Variants in COL9A1 observed in about 807,000 individuals in gnomAD.
COL9A1 encodes the protein collagen alpha-1(IX) chain.
COL9A1 carries 104 observed loss-of-function variants against 142.6 expected under a neutral mutation model. The ratio of observed to expected loss-of-function variants is 0.73; its 90% CI spans 0.62 to 0.86. COL9A1 has a LOEUF of 0.86. COL9A1 is among the 40% of genes least tolerant of loss of function. The pLI is 0.00. For missense variants in COL9A1, 1,210 were observed against 1,176.6 expected, an observed-to-expected ratio of 1.03 and a Z score of -0.42; for synonymous variants, 466 against 396.0, an observed-to-expected ratio of 1.18 and a Z score of -2.10.
chr6:70,219,163 G>A lies in COL9A1; in HGVS notation c.2582-2082C>T, dbSNP rs895741846. Among the ~76,000 whole-genome samples, 3 of 152,118 alleles carry A rather than the reference G, an allele frequency of 2.0e-5. 1 individual carries two copies. The highest frequency in any genetic ancestry group is 2.0e-4 in the Admixed American group (3 of 15,276). Reference sequence around the variant, plus strand: ...TTGATTTTTTTAAGGTTTAAAAGATGAGCCAGATCTAAATCCGATTTTCAT... The same window carrying A: ...TTGATTTTTTTAAGGTTTAAAAGATAAGCCAGATCTAAATCCGATTTTCAT... On this transcript the variant is annotated intron_variant, in intron 37 of 37. Coordinates refer to ENST00000357250, the MANE Select transcript of COL9A1 (RefSeq NM_001851.6).
At chr6:70,295,281 C>CTTTTTTTTTTTTTTTTTTTTTTTT (rs1171549562) in intron 4 of COL9A1, among the ~76,000 whole-genome samples, 1 of 63,166 alleles carries the variant, frequency 1.6e-5, no homozygotes, top group African/African-American at 6.4e-5. Flanking sequence ...GTTGTTGCTT[C>CTTTTTTTTTTTTTTTTTTTTTTTT]TTTTTTTTTT....
chr6:70,222,585 GAACA>G (rs1372224778), intron 37 of COL9A1, among the ~76,000 whole-genome samples: 10 of 152,256 alleles, frequency 6.6e-5, no homozygotes, highest in African/African-American at 2.2e-4. Context: ...ACTTAACACT[GAACA>G]AACAGAGATA....
Position 70,240,578 on chromosome 6 carries a change from A to AATAT in COL9A1, c.2079+107_2079+110dup, listed in dbSNP as rs57686729. 7.6e-3 allele frequency: 3,645 copies of AATAT among 476,566 alleles called. 141 individuals carry two copies. The highest frequency in any genetic ancestry group is 0.072 in the African/African-American group (3,375 of 47,092). The allele number at this position is 476,566 out of a possible 1,614,324, so 29.5% of individuals were successfully genotyped here. ...AGGATAACAGTGTCCAGAAAATAAG[A>AATAT]ATATATATATATATATACCAATTTT... is the stretch of plus-strand genomic sequence containing the variant. On this transcript the variant is annotated intron_variant, in intron 32 of 37. Transcript: ENST00000357250.
intron 10 of COL9A1, among the ~76,000 whole-genome samples, chr6:70,280,187 A>G (rs1328192879): frequency 6.6e-6 from 1 of 152,232 alleles, no homozygotes; most frequent in Non-Finnish European, 1.5e-5. Flanking sequence ...CAATCTTCAT[A>G]CAGTCCTAGC....
At chr6:70,297,761 A>G (rs148032588) in intron 4 of COL9A1, among the ~76,000 whole-genome samples, 299 of 152,330 alleles carry the variant, frequency 2.0e-3, no homozygotes, top group African/African-American at 6.9e-3. Context: ...TTAACCCAAA[A>G]AAGACCGTGT....
chr6:70,278,247 G>T (rs1343362288), intron 10 of COL9A1, among the ~76,000 whole-genome samples: 1 of 151,964 alleles, frequency 6.6e-6, no homozygotes, highest in Non-Finnish European at 1.5e-5. Context: ...CTCTGTTCTC[G>T]CTATTCTCTC....
At position 70,270,381 on chromosome 6, in the gene COL9A1, A is replaced by G. The variant is rs770039661; in HGVS notation, c.1144-14T>C. The G allele has an allele frequency of 1.7e-5, 28 of 1,613,110 alleles. No individual in the cohort carries two copies. In the South Asian group the frequency reaches 2.7e-4, roughly 16 times the overall value. On this transcript the variant is annotated splice_polypyrimidine_tract_variant and intron_variant, in intron 14 of 37. Transcript: ENST00000357250. ...CCCAGGGTCACCCTAAGTTATTTGAAAATTGCGACACAGTGGTTATACATG... is the reference window on the plus strand; with the variant it reads ...CCCAGGGTCACCCTAAGTTATTTGAGAATTGCGACACAGTGGTTATACATG...
At chr6:70,295,193 T>C (rs1278228300) in intron 4 of COL9A1, among the ~76,000 whole-genome samples, 1 of 151,852 alleles carries the variant, frequency 6.6e-6, no homozygotes, top group Non-Finnish European at 1.5e-5. Context: ...GTTCAAATTA[T>C]GATGTTAAAG....
intron 4 of COL9A1, 42 bp downstream of exon 4, chr6:70,300,001 T>C (rs762935855): frequency 6.3e-7 from 1 of 1,578,470 alleles, no homozygotes. Context: ...TTTTAATGCA[T>C]TTGAGTCAGA....
At chr6:70,275,996 C>G (rs923758880) in intron 10 of COL9A1, among the ~76,000 whole-genome samples, 1 of 152,094 alleles carries the variant, frequency 6.6e-6, no homozygotes, top group Non-Finnish European at 1.5e-5. Flanking sequence ...TTTTACATTT[C>G]TCTACCTTAA....
At chr6:70,302,711 G>T (rs977578504) in intron 1 of COL9A1, among the ~76,000 whole-genome samples, 200 bp downstream of exon 1, 16 of 151,420 alleles carry the variant, frequency 1.1e-4, no homozygotes, top group Admixed American at 3.3e-4. Context: ...CCCTTCCTCT[G>T]TCTGTCTTCG....
At position 70,269,943 on chromosome 6, in the gene COL9A1, TG is replaced by T. The variant is rs1364337522; in HGVS notation, c.1198-279del. On this transcript the variant is annotated intron_variant, in intron 15 of 37. Coordinates refer to ENST00000357250, the MANE Select transcript of COL9A1 (RefSeq NM_001851.6). ...GAACTCTGAATTACAAATAAAAATA[TG>T]AATTACCTTCCATTTAAACTCATAT... is the stretch of plus-strand genomic sequence containing the variant. Among the ~76,000 whole-genome samples the T allele has an allele frequency of 3.9e-5, 6 of 152,322 alleles. No homozygotes were observed. The East Asian group carries it at 1.2e-3, about 29-fold the overall frequency.
At chr6:70,246,252 C>G (rs1461381295) in intron 28 of COL9A1, 1 of 152,034 alleles carries the variant, frequency 6.6e-6, no homozygotes, top group Non-Finnish European at 1.5e-5. Context: ...CCCAACTACT[C>G]GGGAGGCTGA....
chr6:70,283,898 G>A (rs1290913392), intron 5 of COL9A1, 78 bp from the exon 6 acceptor site: 35 of 992,914 alleles, frequency 3.5e-5, no homozygotes, highest in Non-Finnish European at 4.6e-5. Flanking sequence ...GATGAGTTGC[G>A]TCTAATTGTT....
intron 20 of COL9A1, among the ~76,000 whole-genome samples, chr6:70,257,249 T>C (rs1753208): frequency 0.48 from 72,860 of 151,426 alleles, 17,876 homozygotes; most frequent in African/African-American, 0.53. Context: ...TTAGTAGAGA[T>C]GGGATTTCAC....
chr6:70,302,835 GC>G, intron 1 of COL9A1, 75 bp downstream of exon 1: 1 of 1,518,058 alleles, frequency 6.6e-7, no homozygotes, highest in Non-Finnish European at 9.1e-7. Context: ...TACCACTGCT[GC>G]AAAAATACAG....
At chr6:70,243,717 C>T (rs895789255) in intron 28 of COL9A1, among the ~76,000 whole-genome samples, 9 of 151,932 alleles carry the variant, frequency 5.9e-5, no homozygotes, top group African/African-American at 2.2e-4. Context: ...TAGTAGAGAC[C>T]GGGTTTCGCC....
chr6:70,217,298 G>T (rs972073316), intron 37 of COL9A1, among the ~76,000 whole-genome samples: 2 of 152,144 alleles, frequency 1.3e-5, no homozygotes, highest in African/African-American at 4.8e-5. Flanking sequence ...AGCAGAAAGA[G>T]ACCTCAGTGT....
chr6:70,291,255 A>G (rs1261931651), intron 5 of COL9A1, among the ~76,000 whole-genome samples: 2 of 152,148 alleles, frequency 1.3e-5, no homozygotes, highest in African/African-American at 2.4e-5. Context: ...CAAAGCTTGA[A>G]AAGGGAAGAA....
Sources: gnomAD v4.1 joint callset for allele counts (sites outside exome capture counted in the v4.1 genomes callset) on GRCh38, gnomAD v4.1.1 for gene constraint, MANE v1.5 for transcripts, NCBI Gene and HGNC (gene_info 2026-07-23, HGNC 2026-07-21) for gene names.